The following TPCN1 variants were observed in gnomAD, a reference collection of about 807,000 sequenced individuals.
The protein encoded by TPCN1 is two pore channel protein 1.
Under a neutral mutation model 108.8 loss-of-function variants are expected in TPCN1, and 52 were observed. That is an observed-to-expected ratio of 0.48 (90% CI 0.38 to 0.60). The LOEUF is 0.60. Ranked by LOEUF, TPCN1 falls within the 20% of genes least tolerant of loss-of-function variation. The pLI is 0.00. For synonymous variants in TPCN1, 446 were observed against 433.7 expected (o/e 1.03, Z -0.35); for missense variants, 806 against 1,072.8 (o/e 0.75, Z 3.47).
chr12:113,257,076 C>T (rs540617796), intron 2 of TPCN1, among the ~76,000 whole-genome samples: 1 of 152,240 alleles, frequency 6.6e-6, no homozygotes, highest in East Asian at 1.9e-4. Flanking sequence ...AAGATCTGGA[C>T]ACTTCAAAGA....
At chr12:113,262,335 G>A (rs893406909) in intron 3 of TPCN1, among the ~76,000 whole-genome samples, 3 of 151,638 alleles carry the variant, frequency 2.0e-5, no homozygotes, top group Admixed American at 6.6e-5. Context: ...GCCTGAGTCT[G>A]GGAAGTTGAG....
At chr12:113,261,167 A>G (rs533746834) in intron 3 of TPCN1, among the ~76,000 whole-genome samples, 69 of 152,220 alleles carry the variant, frequency 4.5e-4, no homozygotes, top group African/African-American at 1.6e-3. Context: ...CTGGGTGACA[A>G]TGCAAGACTC....
chr12:113,267,055 T>G (rs564235814), intron 4 of TPCN1, among the ~76,000 whole-genome samples: 1 of 152,300 alleles, frequency 6.6e-6, no homozygotes, highest in Non-Finnish European at 1.5e-5. Context: ...TTCCTGTCCC[T>G]TCACTTTGTC....
Position 113,287,351 on chromosome 12 carries a change from A to C in TPCN1, c.1634+257A>C, listed in dbSNP as rs573554220. The C allele has an allele frequency of 7.6e-5, 37 of 484,738 alleles. 1 individual carries two copies. The South Asian group carries it at 1.1e-3, about 15-fold the overall frequency. 30.0% of individuals were successfully genotyped at this position (484,738 alleles called of 1,614,324 possible). A position where few individuals can be genotyped will look rare whatever the true frequency, so the allele number is the denominator to read the frequency against. On this transcript the variant is annotated intron_variant, in intron 19 of 27. Transcript: ENST00000335509. ...CCATGACTCATGTGCACCCCACCTG[A>C]GGTGGCATTGCACCAGCGACAGGAG...
intron 2 of TPCN1, among the ~76,000 whole-genome samples, chr12:113,251,403 G>A (rs1391682244): frequency 1.3e-5 from 2 of 152,228 alleles, no homozygotes; most frequent in Admixed American, 6.5e-5. Context: ...CTCTGTGCCG[G>A]TCCCTCATTT....
intron 10 of TPCN1, 67 bp from the exon 11 acceptor site, chr12:113,276,852 C>A: frequency 9.4e-7 from 1 of 1,064,958 alleles, no homozygotes; most frequent in Non-Finnish European, 1.5e-6. Context: ...TGAACTCATA[C>A]CCCCCTGCAC....
chr12:113,292,549 T>C, intron 25 of TPCN1: 1 of 204,820 alleles, frequency 4.9e-6, no homozygotes, highest in Non-Finnish European at 9.9e-6. Context: ...TGAGCCATGA[T>C]CACACCACTG....
chr12:113,296,883 C>T lies in TPCN1; in HGVS notation c.*807C>T, dbSNP rs1181902076. ...CCCAGACCACTTCGTGGAATGGGCTCTTGACCAAATCCCTTTTTTTGCGAT... is the reference window on the plus strand; with the variant it reads ...CCCAGACCACTTCGTGGAATGGGCTTTTGACCAAATCCCTTTTTTTGCGAT... On this transcript the variant is annotated 3_prime_UTR_variant, in exon 28 of 28. Coordinates refer to ENST00000335509, the MANE Select transcript of TPCN1 (RefSeq NM_017901.6). 1 of 152,280 alleles carries T rather than the reference C, an allele frequency of 6.6e-6. No individual in the cohort carries two copies. The highest frequency in any genetic ancestry group is 2.4e-5 in the African/African-American group (1 of 41,470). 9.4% of individuals were successfully genotyped at this position (152,280 alleles called of 1,614,324 possible).
At chr12:113,243,467 C>G (rs1192664004) in intron 2 of TPCN1, among the ~76,000 whole-genome samples, 1 of 152,088 alleles carries the variant, frequency 6.6e-6, no homozygotes, top group African/African-American at 2.4e-5. Flanking sequence ...CCTGTAATCC[C>G]ACTCCATGGG....
At chr12:113,278,962 G>C in intron 14 of TPCN1, 127 bp downstream of exon 14, 1 of 824,254 alleles carries the variant, frequency 1.2e-6, no homozygotes, top group Non-Finnish European at 2.0e-6. Context: ...CTGAATGCCT[G>C]TGTGAAGAGA....
chr12:113,273,136 C>T lies in TPCN1; in HGVS notation c.784-96C>T. ...ATTCCTTGAGAGATGCAAGAGCGGT[C>T]AAGGCAGGGCATGCCAGGTGGCCCA... is the stretch of plus-strand genomic sequence containing the variant. On this transcript the variant is annotated intron_variant, in intron 8 of 27. Transcript: ENST00000335509. The surrounding 1 kb of genome is among the most constrained non-coding windows in gnomAD (Gnocchi z 4.0). 2 of 1,109,846 alleles carry T rather than the reference C, an allele frequency of 1.8e-6. No homozygotes were observed. Among genetic ancestry groups the T allele is most frequent in the Non-Finnish European group, 2.8e-6 (2 of 722,352 alleles). The allele number at this position is 1,109,846 out of a possible 1,614,324, so 68.7% of individuals were successfully genotyped here.
rs80114264 is a variant in TPCN1, at chr12:113,271,189, T to A, written c.748+1344T>A. On this transcript the variant is annotated intron_variant, in intron 7 of 27. Coordinates refer to ENST00000335509, the MANE Select transcript of TPCN1 (RefSeq NM_017901.6). ...CTACTCAAGAGGTGAGGCAGGAGGA[T>A]CACCTGAGCATGGGGAGACAGAGGT... Among the ~76,000 whole-genome samples the A allele has an allele frequency of 8.5e-3, 1,291 of 152,066 alleles. 26 individuals are homozygous for A. The highest frequency in any genetic ancestry group is 0.056 in the East Asian group (290 of 5,162).
intron 2 of TPCN1, among the ~76,000 whole-genome samples, chr12:113,233,795 A>G (rs1472296240): frequency 2.0e-5 from 3 of 152,150 alleles, no homozygotes; most frequent in Admixed American, 1.3e-4. Context: ...GTTACTTTCA[A>G]TATCATCTCA....
At chr12:113,281,588 T>G (rs926873134) in intron 15 of TPCN1, among the ~76,000 whole-genome samples, 18 of 152,316 alleles carry the variant, frequency 1.2e-4, no homozygotes, top group African/African-American at 4.3e-4. Context: ...TTAGGTCTGG[T>G]GCCCTAGTGG....
At chr12:113,260,624 C>T in intron 3 of TPCN1, 132 bp downstream of exon 3, 1 of 1,216,198 alleles carries the variant, frequency 8.2e-7, no homozygotes, top group Non-Finnish European at 1.1e-6. Flanking sequence ...GTGTGAGCTT[C>T]AGGTTCATAA....
intron 2 of TPCN1, among the ~76,000 whole-genome samples, chr12:113,242,158 C>T (rs527738941): frequency 2.6e-5 from 4 of 152,346 alleles, no homozygotes; most frequent in Admixed American, 6.5e-5. Flanking sequence ...ATCTGCCTCA[C>T]GAATGTGAGC....
intron 7 of TPCN1, among the ~76,000 whole-genome samples, chr12:113,271,573 G>T (rs1312881078): frequency 1.3e-5 from 2 of 152,212 alleles, no homozygotes; most frequent in African/African-American, 4.8e-5. Flanking sequence ...CTTTCGCTCA[G>T]CACTGTGTTT....
rs535583826 is a variant in TPCN1 at position 113,246,116 on chromosome 12, G to A, written c.113-14252G>A. 59 of 443,574 alleles carry A rather than the reference G, an allele frequency of 1.3e-4. No homozygotes were observed. The East Asian group carries it at 3.9e-3, about 29-fold the overall frequency. 27.5% of individuals were successfully genotyped at this position (443,574 alleles called of 1,614,324 possible). A position where few individuals can be genotyped will look rare whatever the true frequency, so the allele number is the denominator to read the frequency against. On this transcript the variant is annotated intron_variant, in intron 2 of 27. Transcript: ENST00000335509. ...TGCACCGGGATGTCTCTCCTGCTTC[G>A]AGTCAGAGTTTGCGTTGTTGTTTTG...
chr12:113,242,535 G>T (rs1323032022), intron 2 of TPCN1, among the ~76,000 whole-genome samples: 1 of 152,228 alleles, frequency 6.6e-6, no homozygotes, highest in East Asian at 1.9e-4. Context: ...ACACTTAGAA[G>T]AATTAATTAA....
Sources: gnomAD v4.1 joint callset for allele counts (sites outside exome capture counted in the v4.1 genomes callset) on GRCh38, gnomAD v4.1.1 for gene constraint, Gnocchi (gnomAD v3.1) non-coding constraint, MANE v1.5 for transcripts, NCBI Gene and HGNC (gene_info 2026-07-23, HGNC 2026-07-21) for gene names.